Variants in DPP10 observed in about 807,000 individuals in gnomAD.
DPP10 encodes the protein dipeptidyl peptidase like 10.
A neutral mutation model predicts 120.9 loss-of-function variants in DPP10; 33 were observed. That is an observed-to-expected ratio of 0.27 (90% CI 0.21 to 0.37). DPP10 has a LOEUF of 0.37. Among genes scored for constraint, DPP10 ranks in the 10% least tolerant of loss-of-function variants. DPP10 has a pLI of 1.00. For missense variants in DPP10, 816 were observed against 942.8 expected, an observed-to-expected ratio of 0.87 and a Z score of 1.76; for synonymous variants, 337 against 326.1, an observed-to-expected ratio of 1.03 and a Z score of -0.36.
rs979858204 is a variant in DPP10, at chr2:115,790,374, C to T, written c.1532-707C>T. On this transcript the variant is annotated intron_variant, in intron 17 of 25. Transcript: ENST00000410059. ...GATTACAGGCGTGAGCCACCGCGCC[C>T]GGCCTAGAAGGCTATTTTTGTGATG... Among the ~76,000 whole-genome samples, 19 of 152,162 alleles carry T rather than the reference C, an allele frequency of 1.2e-4. No individual in the cohort carries two copies. In the East Asian group the frequency reaches 2.7e-3, roughly 22 times the overall value.
At chr2:115,204,502 T>G (rs963887163) in intron 1 of DPP10, among the ~76,000 whole-genome samples, 1 of 152,128 alleles carries the variant, frequency 6.6e-6, no homozygotes, top group African/African-American at 2.4e-5. Context: ...ATGCCAGCAC[T>G]TTACAAAACA....
At chr2:114,523,294 A>G (rs576097906) in intron 1 of DPP10, among the ~76,000 whole-genome samples, 2 of 152,098 alleles carry the variant, frequency 1.3e-5, no homozygotes, top group South Asian at 2.1e-4. Flanking sequence ...CAGGCTGTTC[A>G]ATAGGGAAGG....
At chr2:114,807,894 C>T (rs71418520) in intron 1 of DPP10, among the ~76,000 whole-genome samples, 12,661 of 152,230 alleles carry the variant, frequency 0.083, 694 homozygotes, top group South Asian at 0.12. Flanking sequence ...TACCTGGAGT[C>T]TTCCTCATTT....
intron 1 of DPP10, among the ~76,000 whole-genome samples, chr2:115,284,019 CAG>C (rs1322508090): frequency 2.6e-5 from 4 of 151,956 alleles, no homozygotes; most frequent in African/African-American, 9.7e-5. Context: ...ATGGACTTCT[CAG>C]AGTGTATCCC....
At chr2:115,229,045 G>C (rs1574086076) in intron 1 of DPP10, among the ~76,000 whole-genome samples, 2 of 151,914 alleles carry the variant, frequency 1.3e-5, no homozygotes, top group Non-Finnish European at 2.9e-5. Context: ...ACTTATTACT[G>C]CCTGTCTTTT....
At chr2:115,436,404 T>TC (rs1359011021) in intron 3 of DPP10, among the ~76,000 whole-genome samples, 2 of 151,562 alleles carry the variant, frequency 1.3e-5, no homozygotes, top group Non-Finnish European at 3.0e-5. Context: ...AAAAAGATTT[T>TC]TTTTTTAATT....
chr2:115,554,001 TCACACACACACACACA>T (rs71881888), intron 5 of DPP10, among the ~76,000 whole-genome samples: 19 of 135,594 alleles, frequency 1.4e-4, no homozygotes, highest in African/African-American at 2.7e-4. Context: ...TCTCTCTCTT[TCACACACACACACACA>T]CACACACACA....
intron 1 of DPP10, among the ~76,000 whole-genome samples, chr2:115,199,264 T>C (rs935497310): frequency 6.6e-6 from 1 of 151,066 alleles, no homozygotes; most frequent in African/African-American, 2.5e-5. Flanking sequence ...ACAGTAACTT[T>C]ATTTATTTGT....
intron 1 of DPP10, chr2:115,131,102 C>T (rs2050333888): frequency 6.6e-6 from 1 of 152,174 alleles, no homozygotes; most frequent in African/African-American, 2.4e-5. Context: ...GGAAGGGCTC[C>T]TGAGGTTATA....
At chr2:115,179,602 A>G (rs2053939945) in intron 1 of DPP10, among the ~76,000 whole-genome samples, 1 of 152,180 alleles carries the variant, frequency 6.6e-6, no homozygotes, top group African/African-American at 2.4e-5. Context: ...TGAGGTAAGG[A>G]TAGAAGACCT....
chr2:114,473,650 A>G (rs1358806858), intron 1 of DPP10, among the ~76,000 whole-genome samples: 2 of 152,210 alleles, frequency 1.3e-5, no homozygotes, highest in Admixed American at 6.5e-5. Context: ...ACAGTCCCAG[A>G]TATTGAACCT....
At chr2:114,528,126 C>G (rs898730363) in intron 1 of DPP10, among the ~76,000 whole-genome samples, 1 of 152,016 alleles carries the variant, frequency 6.6e-6, no homozygotes, top group Non-Finnish European at 1.5e-5. Context: ...CATCCTTATC[C>G]CAAAACACTG....
At chr2:115,829,507 C>G (rs1334966990) in intron 21 of DPP10, among the ~76,000 whole-genome samples, 3 of 151,924 alleles carry the variant, frequency 2.0e-5, no homozygotes, top group African/African-American at 7.3e-5. Context: ...GTTCTATTAT[C>G]TTTGTTTTTT....
chr2:114,691,464 T>G (rs1699742559), intron 1 of DPP10, among the ~76,000 whole-genome samples: 1 of 152,256 alleles, frequency 6.6e-6, no homozygotes, highest in South Asian at 2.1e-4. Context: ...GGATTTGGTT[T>G]GCCAGTATTT....
At chr2:115,524,430 G>C (rs574231903) in intron 4 of DPP10, among the ~76,000 whole-genome samples, 76 of 152,208 alleles carry the variant, frequency 5.0e-4, no homozygotes, top group African/African-American at 1.4e-3. Flanking sequence ...ATGTCTGAAG[G>C]GGTCCCCAGC....
At chr2:114,535,705 G>A (rs1686426669) in intron 1 of DPP10, among the ~76,000 whole-genome samples, 1 of 151,974 alleles carries the variant, frequency 6.6e-6, no homozygotes, top group Non-Finnish European at 1.5e-5. Context: ...CTCTTTGATT[G>A]CTGTCAGACA....
chr2:115,107,161 TA>T (rs1338315694), intron 1 of DPP10, among the ~76,000 whole-genome samples: 1 of 151,976 alleles, frequency 6.6e-6, no homozygotes, highest in Non-Finnish European at 1.5e-5. Flanking sequence ...ACGGTATTTT[TA>T]AAAGAGATAT....
At chr2:115,790,129 G>A (rs1683791556) in intron 17 of DPP10, among the ~76,000 whole-genome samples, 1 of 148,976 alleles carries the variant, frequency 6.7e-6, no homozygotes, top group African/African-American at 2.5e-5. Context: ...CCGGACTGCG[G>A]ACTGCAGTGG....
rs558900025 is a variant in DPP10, at chr2:114,666,652, T to C, written c.60+223814T>C. Among the ~76,000 whole-genome samples, 6 of 152,268 alleles carry C rather than the reference T, an allele frequency of 3.9e-5. No homozygotes were observed. In the East Asian group the frequency reaches 7.7e-4, roughly 20 times the overall value. On this transcript the variant is annotated intron_variant, in intron 1 of 25. Transcript: ENST00000410059. ...TGAGACAGAGAGACATAGAACCAGA[T>C]AGGGCAAGAGGTTGAGGCACCTTAG...
Sources: gnomAD v4.1 joint callset for allele counts (sites outside exome capture counted in the v4.1 genomes callset) on GRCh38, gnomAD v4.1.1 for gene constraint, MANE v1.5 for transcripts, NCBI Gene and HGNC (gene_info 2026-07-23, HGNC 2026-07-21) for gene names.